NRXN3: variants seen among roughly 807,000 people sequenced by gnomAD.
The protein encoded by NRXN3 is neurexin III.
NRXN3 carries 32 observed loss-of-function variants against 137.6 expected under a neutral mutation model. That is an observed-to-expected ratio of 0.23 (90% CI 0.18 to 0.31). NRXN3 has a LOEUF of 0.31. Among genes scored for constraint, NRXN3 ranks in the 10% least tolerant of loss-of-function variants. The pLI is 1.00. For synonymous variants in NRXN3, 798 were observed against 784.5 expected (o/e 1.02, Z -0.29); for missense variants, 1,574 against 2,062.5 (o/e 0.76, Z 4.59).
chr14:79,501,545 G>A (rs1369509565), intron 16 of NRXN3, among the ~76,000 whole-genome samples: 1 of 152,102 alleles, frequency 6.6e-6, no homozygotes, highest in Non-Finnish European at 1.5e-5. Context: ...AGGGCCACTG[G>A]AAGTCCTCCA....
chr14:79,549,892 G>A (rs941406272), intron 16 of NRXN3, among the ~76,000 whole-genome samples: 2 of 152,088 alleles, frequency 1.3e-5, no homozygotes, highest in African/African-American at 4.8e-5. Flanking sequence ...ATTTGGGAAA[G>A]TTCAACAGCC....
intron 1 of NRXN3, among the ~76,000 whole-genome samples, chr14:78,178,191 A>C (rs542169336): frequency 6.6e-6 from 1 of 152,288 alleles, no homozygotes; most frequent in East Asian, 1.9e-4. Flanking sequence ...GGTCTTAACC[A>C]CTGTTTCGTA....
chr14:78,603,780 G>A (rs760165131), intron 4 of NRXN3, among the ~76,000 whole-genome samples: 6 of 152,144 alleles, frequency 3.9e-5, no homozygotes, highest in Non-Finnish European at 7.4e-5. Context: ...AGGATCAGGA[G>A]CACCTAGACT....
intron 1 of NRXN3, among the ~76,000 whole-genome samples, chr14:78,203,294 G>A (rs1031455489): frequency 2.4e-4 from 37 of 152,296 alleles, no homozygotes; most frequent in African/African-American, 8.9e-4. Flanking sequence ...GGGCCCAGGG[G>A]CAATATTACT....
chr14:79,739,076 T>C (rs1203627451), intron 19 of NRXN3, among the ~76,000 whole-genome samples: 1 of 152,192 alleles, frequency 6.6e-6, no homozygotes, highest in African/African-American at 2.4e-5. Flanking sequence ...TCTCCTGCCA[T>C]CCCATTTCAA....
intron 6 of NRXN3, among the ~76,000 whole-genome samples, chr14:78,662,556 C>T (rs79865315): frequency 0.023 from 3,484 of 152,118 alleles, 130 homozygotes; most frequent in African/African-American, 0.08. Flanking sequence ...GACTGGGCAA[C>T]CATTTTGCTG....
At position 78,540,150 on chromosome 14, in the gene NRXN3, C is replaced by T. The variant is rs538550902; in HGVS notation, c.758-104970C>T. Among the ~76,000 whole-genome samples, 10 of 152,212 alleles carry T rather than the reference C, an allele frequency of 6.6e-5. 1 individual carries two copies. The South Asian group carries it at 2.1e-3, about 32-fold the overall frequency. ...GCTTGTTGCAGAGCTGAGTTCAAGT[C>T]CTGGATATCCTTGTTAATCTTCTGT... On this transcript the variant is annotated intron_variant, in intron 4 of 20. Coordinates refer to ENST00000335750, the MANE Select transcript of NRXN3 (RefSeq NM_001330195.2).
intron 19 of NRXN3, among the ~76,000 whole-genome samples, chr14:79,731,915 A>ATGTG (rs1205846870): frequency 1.3e-5 from 2 of 151,038 alleles, no homozygotes; most frequent in Non-Finnish European, 2.9e-5. Flanking sequence ...TTTCTAAAGT[A>ATGTG]TGTGTTTCTG....
intron 19 of NRXN3, among the ~76,000 whole-genome samples, chr14:79,791,536 T>A (rs1261445571): frequency 6.9e-6 from 1 of 145,978 alleles, no homozygotes; most frequent in Non-Finnish European, 1.5e-5. Flanking sequence ...TTATAATAAT[T>A]ATAATTAATT....
intron 4 of NRXN3, among the ~76,000 whole-genome samples, chr14:78,528,782 T>A (rs887024891): frequency 2.0e-5 from 3 of 152,172 alleles, no homozygotes; most frequent in African/African-American, 7.2e-5. Context: ...TTTATTTAAA[T>A]TTTTGATACT....
At chr14:79,799,440 A>G (rs2099170281) in intron 19 of NRXN3, among the ~76,000 whole-genome samples, 1 of 152,162 alleles carries the variant, frequency 6.6e-6, no homozygotes, top group Non-Finnish European at 1.5e-5. Context: ...GGGACAGATG[A>G]CACTGGTGAG....
At chr14:78,982,275 TAATATTTTG>T (rs1446953036) in intron 14 of NRXN3, among the ~76,000 whole-genome samples, 5 of 152,352 alleles carry the variant, frequency 3.3e-5, no homozygotes, top group African/African-American at 7.2e-5. Context: ...TTTTATTCAA[TAATATTTTG>T]AATATTTTGA....
chr14:79,673,818 G>A (rs76444850), intron 17 of NRXN3, among the ~76,000 whole-genome samples: 3,476 of 152,134 alleles, frequency 0.023, 146 homozygotes, highest in African/African-American at 0.08. Context: ...TAATTGCCAG[G>A]TAGGGTACTG....
chr14:79,017,618 G>A (rs1428454211), intron 15 of NRXN3, among the ~76,000 whole-genome samples: 2 of 152,114 alleles, frequency 1.3e-5, no homozygotes, highest in Admixed American at 6.5e-5. Flanking sequence ...CATTACTGGA[G>A]CAAATTATAA....
chr14:79,586,659 T>G (rs1210527373), intron 16 of NRXN3, among the ~76,000 whole-genome samples: 1 of 152,178 alleles, frequency 6.6e-6, no homozygotes, highest in Non-Finnish European at 1.5e-5. Flanking sequence ...GATTGTAGGT[T>G]GAGGGTGCAG....
intron 3 of NRXN3, among the ~76,000 whole-genome samples, chr14:78,290,020 G>A (rs960477570): frequency 2.0e-5 from 3 of 152,206 alleles, no homozygotes; most frequent in African/African-American, 7.2e-5. Flanking sequence ...TGTTCTGCAT[G>A]TTGACATGTT....
At chr14:79,158,162 C>T (rs1455724469) in intron 15 of NRXN3, among the ~76,000 whole-genome samples, 2 of 151,804 alleles carry the variant, frequency 1.3e-5, no homozygotes, top group East Asian at 3.9e-4. Flanking sequence ...TAGGTGACTT[C>T]CCCCTGTGTA....
chr14:79,079,657 C>G (rs1405506485), intron 15 of NRXN3, among the ~76,000 whole-genome samples: 1 of 152,020 alleles, frequency 6.6e-6, no homozygotes, highest in Non-Finnish European at 1.5e-5. Flanking sequence ...CTCTTTTACT[C>G]TTTGGAAGAC....
chr14:78,510,367 C>T (rs990254194), intron 4 of NRXN3, among the ~76,000 whole-genome samples: 8 of 152,066 alleles, frequency 5.3e-5, no homozygotes, highest in Non-Finnish European at 8.8e-5. Context: ...GTTTAATCCT[C>T]TGGAACTCTA....
Sources: allele counts gnomAD v4.1 joint callset (sites outside exome capture counted in the v4.1 genomes callset), GRCh38; gene constraint gnomAD v4.1.1; transcripts MANE v1.5; gene names NCBI Gene and HGNC (gene_info 2026-07-23, HGNC 2026-07-21).